Variants in SGCZ observed in about 807,000 individuals in gnomAD.
SGCZ encodes zeta-sarcoglycan.
Under a neutral mutation model 41.3 loss-of-function variants are expected in SGCZ, and 40 were observed. The ratio of observed to expected loss-of-function variants is 0.97; its 90% CI spans 0.75 to 1.26. The LOEUF is 1.26. Ranked by LOEUF, SGCZ falls within the 50% of genes most tolerant of loss-of-function variation. The pLI is 0.00. For synonymous variants in SGCZ, 206 were observed against 137.5 expected (o/e 1.50, Z -3.49); for missense variants, 552 against 369.8 (o/e 1.49, Z -4.04).
chr8:14,709,683 GA>G lies in SGCZ; in HGVS notation c.40-154758del, dbSNP rs55736502. Reference sequence around the variant, plus strand: ...TAATCGAGGCCCAAATTTGCAAAATGAAAAAAAAAAGACAAACTATTTAAAA... The same window carrying G: ...TAATCGAGGCCCAAATTTGCAAAATGAAAAAAAAAGACAAACTATTTAAAA... On this transcript the variant is annotated intron_variant, in intron 1 of 7. Transcript: ENST00000382080. Among the ~76,000 whole-genome samples, 32 of 145,958 alleles carry G rather than the reference GA, an allele frequency of 2.2e-4. No homozygotes were observed. In the South Asian group the frequency reaches 4.8e-3, roughly 22 times the overall value.
intron 1 of SGCZ, among the ~76,000 whole-genome samples, chr8:15,059,039 A>C (rs1159826109): frequency 6.6e-6 from 1 of 152,134 alleles, no homozygotes; most frequent in Non-Finnish European, 1.5e-5. Flanking sequence ...TAATTATTCT[A>C]CCAAAATATT....
intron 5 of SGCZ, among the ~76,000 whole-genome samples, chr8:14,157,714 G>C (rs1490010420): frequency 2.0e-5 from 3 of 152,104 alleles, no homozygotes; most frequent in Admixed American, 1.3e-4. Context: ...TCTGGAAATA[G>C]TTGATGCTTC....
intron 1 of SGCZ, among the ~76,000 whole-genome samples, chr8:15,199,307 A>G (rs754192452): frequency 2.0e-5 from 3 of 152,198 alleles, no homozygotes; most frequent in Non-Finnish European, 4.4e-5. Flanking sequence ...AGCAGCAAAA[A>G]TCTGAAGCTC....
chr8:14,284,411 A>C (rs1389521234), intron 3 of SGCZ, among the ~76,000 whole-genome samples: 1 of 152,228 alleles, frequency 6.6e-6, no homozygotes, highest in African/African-American at 2.4e-5. Flanking sequence ...CACAAAAAAT[A>C]GACTTGTCTT....
At chr8:14,460,360 TC>T (rs1404619067) in intron 2 of SGCZ, among the ~76,000 whole-genome samples, 1 of 152,118 alleles carries the variant, frequency 6.6e-6, no homozygotes, top group Non-Finnish European at 1.5e-5. Flanking sequence ...CCTAAAACAT[TC>T]ACACGATATT....
intron 2 of SGCZ, among the ~76,000 whole-genome samples, chr8:14,338,908 C>A (rs1267731758): frequency 6.6e-6 from 1 of 152,152 alleles, no homozygotes; most frequent in Non-Finnish European, 1.5e-5. Context: ...CATTTCTGCA[C>A]AGTCATTGGT....
At chr8:14,583,363 T>C (rs1204670483) in intron 1 of SGCZ, among the ~76,000 whole-genome samples, 1 of 152,190 alleles carries the variant, frequency 6.6e-6, no homozygotes, top group Non-Finnish European at 1.5e-5. Flanking sequence ...GTTATATTTT[T>C]CTTGTAAATT....
intron 1 of SGCZ, among the ~76,000 whole-genome samples, chr8:14,970,738 C>T (rs1801265184): frequency 6.6e-6 from 1 of 152,080 alleles, no homozygotes; most frequent in Admixed American, 6.5e-5. Context: ...GAGTCTTAGT[C>T]CTCCTGCTAG....
At chr8:14,738,644 C>T (rs1041674591) in intron 1 of SGCZ, among the ~76,000 whole-genome samples, 2 of 151,920 alleles carry the variant, frequency 1.3e-5, no homozygotes, top group African/African-American at 4.8e-5. Flanking sequence ...TTTCTAAAGC[C>T]CATTTGGGTT....
At chr8:14,697,933 C>T (rs563214830) in intron 1 of SGCZ, among the ~76,000 whole-genome samples, 9 of 152,094 alleles carry the variant, frequency 5.9e-5, no homozygotes, top group African/African-American at 1.9e-4. Flanking sequence ...TAGAATCCCA[C>T]AGCTAGACAT....
At chr8:14,272,687 A>G (rs139459278) in intron 3 of SGCZ, among the ~76,000 whole-genome samples, 1 of 152,160 alleles carries the variant, frequency 6.6e-6, no homozygotes, top group Non-Finnish European at 1.5e-5. Context: ...TAAGCCATTG[A>G]CTCTTTCTGA....
chr8:14,639,822 A>G (rs1199604500), intron 1 of SGCZ, among the ~76,000 whole-genome samples: 1 of 151,470 alleles, frequency 6.6e-6, no homozygotes, highest in Non-Finnish European at 1.5e-5. Flanking sequence ...AGAAATTATG[A>G]GTTAATGTGA....
chr8:14,199,751 A>G (rs1805394783), intron 4 of SGCZ, among the ~76,000 whole-genome samples: 2 of 152,164 alleles, frequency 1.3e-5, no homozygotes, highest in African/African-American at 4.8e-5. Flanking sequence ...CCCCCGATAT[A>G]TTCTAACAAT....
intron 3 of SGCZ, among the ~76,000 whole-genome samples, chr8:14,284,748 A>G (rs1354005018): frequency 6.6e-6 from 1 of 152,066 alleles, no homozygotes; most frequent in African/African-American, 2.4e-5. Context: ...AATTTTTTTT[A>G]ATACTAGAGT....
rs539356768 is a variant in SGCZ at position 15,027,788 on chromosome 8, G to C, written c.39+209797C>G. Reference sequence around the variant, plus strand: ...ATAATTCTTAAAGAAAGAGAAGGGAGAGGGATAAAAAAGTACTCATAATTT... The same window carrying C: ...ATAATTCTTAAAGAAAGAGAAGGGACAGGGATAAAAAAGTACTCATAATTT... On this transcript the variant is annotated intron_variant, in intron 1 of 7. Coordinates refer to ENST00000382080, the MANE Select transcript of SGCZ (RefSeq NM_139167.4). Among the ~76,000 whole-genome samples, 6 of 152,090 alleles carry C rather than the reference G, an allele frequency of 3.9e-5. No individual in the cohort carries two copies. The East Asian group carries it at 1.2e-3, about 29-fold the overall frequency.
rs73525345 is a variant in SGCZ at position 14,472,963 on chromosome 8, C to G, written c.234+81769G>C. 5.1e-3 allele frequency among the ~76,000 whole-genome samples: 770 copies of G among 152,180 alleles called. 5 individuals carry two copies. Among genetic ancestry groups the G allele is most frequent in the African/African-American group, 0.018 (741 of 41,542 alleles). ...GTGCAGTTTTTCAAGAACTGCAAGA[C>G]CCGGTTGGTGTTAACTGATGGTGAA... On this transcript the variant is annotated intron_variant, in intron 2 of 7. Coordinates refer to ENST00000382080, the MANE Select transcript of SGCZ (RefSeq NM_139167.4).
chr8:14,110,379 T>A (rs540933485), intron 5 of SGCZ, among the ~76,000 whole-genome samples: 1 of 152,208 alleles, frequency 6.6e-6, no homozygotes, highest in African/African-American at 2.4e-5. Flanking sequence ...TTCAAATACA[T>A]AATGGCATAC....
intron 2 of SGCZ, among the ~76,000 whole-genome samples, chr8:14,371,030 T>C (rs927400090): frequency 2.0e-5 from 3 of 151,998 alleles, no homozygotes; most frequent in Admixed American, 6.6e-5. Context: ...TGAAAAAAGA[T>C]GCATAATTTT....
At chr8:14,536,291 A>G (rs1363038869) in intron 2 of SGCZ, among the ~76,000 whole-genome samples, 2 of 151,940 alleles carry the variant, frequency 1.3e-5, no homozygotes, top group African/African-American at 2.4e-5. Flanking sequence ...TTGTAAAAGT[A>G]AAAGGAATTA....
Sources: gnomAD v4.1 joint callset for allele counts (sites outside exome capture counted in the v4.1 genomes callset) on GRCh38, gnomAD v4.1.1 for gene constraint, MANE v1.5 for transcripts, NCBI Gene and HGNC (gene_info 2026-07-23, HGNC 2026-07-21) for gene names.